Variants in TTC27 observed in about 807,000 individuals in gnomAD.
The protein encoded by TTC27 is tetratricopeptide repeat domain 27.
A neutral mutation model predicts 115.9 loss-of-function variants in TTC27; 79 were observed. The observed-to-expected ratio is 0.68, with a 90% confidence interval of 0.57 to 0.82. TTC27 has a LOEUF of 0.82. Ranked by LOEUF, TTC27 falls within the 40% of genes least tolerant of loss-of-function variation. The pLI is 0.00. For synonymous variants in TTC27, 401 were observed against 356.0 expected (o/e 1.13, Z -1.42); for missense variants, 1,054 against 993.1 (o/e 1.06, Z -0.82).
intron 10 of TTC27, among the ~76,000 whole-genome samples, chr2:32,715,216 T>G (rs757678822): frequency 1.3e-5 from 2 of 152,218 alleles, no homozygotes; most frequent in Non-Finnish European, 2.9e-5. Flanking sequence ...GTTTTACATT[T>G]AAGTCTTTAA....
intron 16 of TTC27, among the ~76,000 whole-genome samples, chr2:32,797,745 A>G (rs948526191): frequency 6.6e-6 from 1 of 152,250 alleles, no homozygotes; most frequent in Non-Finnish European, 1.5e-5. Context: ...GGCAATAAAA[A>G]GAAAAAACAG....
intron 19 of TTC27, among the ~76,000 whole-genome samples, chr2:32,820,519 T>A (rs1305073734): frequency 1.3e-5 from 2 of 152,248 alleles, no homozygotes; most frequent in East Asian, 3.8e-4. Flanking sequence ...TTGAATTATG[T>A]CTGTTCATTC....
chr2:32,806,107 A>C (rs1225908155), intron 16 of TTC27, among the ~76,000 whole-genome samples: 5 of 152,168 alleles, frequency 3.3e-5, no homozygotes, highest in Non-Finnish European at 5.9e-5. Context: ...CTTAAACTTC[A>C]ATTTTCTACT....
chr2:32,800,821 C>T (rs546365398), intron 16 of TTC27, among the ~76,000 whole-genome samples: 1 of 152,190 alleles, frequency 6.6e-6, no homozygotes, highest in African/African-American at 2.4e-5. Context: ...TTAAATGTAG[C>T]TCCTCTCATC....
chr2:32,643,773 G>T (rs775740318), intron 4 of TTC27, among the ~76,000 whole-genome samples: 1 of 151,966 alleles, frequency 6.6e-6, no homozygotes, highest in Admixed American at 6.6e-5. Flanking sequence ...AGTGGCTCTC[G>T]CCTGTAATAC....
At chr2:32,630,756 C>G (rs1298327000) in intron 2 of TTC27, 56 bp downstream of exon 2, 1 of 1,501,102 alleles carries the variant, frequency 6.7e-7, no homozygotes, top group Non-Finnish European at 9.0e-7. Flanking sequence ...TTTAATAGCA[C>G]CTTGACAGGG....
chr2:32,699,375 CCCTA>C (rs1333046812), intron 9 of TTC27, among the ~76,000 whole-genome samples: 1 of 152,166 alleles, frequency 6.6e-6, no homozygotes, highest in East Asian at 1.9e-4. Context: ...AGCAGTAACC[CCCTA>C]CTGGGGGGCG....
intron 10 of TTC27, among the ~76,000 whole-genome samples, chr2:32,719,364 A>G (rs1667850222): frequency 6.6e-6 from 1 of 152,228 alleles, no homozygotes; most frequent in Non-Finnish European, 1.5e-5. Flanking sequence ...GCAGGGTCAG[A>G]AAGAGATGCA....
chr2:32,678,368 A>T (rs1436396249), intron 8 of TTC27, among the ~76,000 whole-genome samples: 1 of 151,850 alleles, frequency 6.6e-6, no homozygotes, highest in East Asian at 1.9e-4. Flanking sequence ...ATCTTTGACA[A>T]ACTCTACATT....
rs142621550 is a variant in TTC27, at chr2:32,794,970, G to A, written c.1998+7821G>A. 1.6e-4 allele frequency among the ~76,000 whole-genome samples: 24 copies of A among 152,154 alleles called. No homozygotes were observed. In the East Asian group the frequency reaches 4.4e-3, roughly 28 times the overall value. The stretch of plus-strand genomic sequence containing the variant: ...AAAAATCTCCCAACAAAGAAAAGCC[G>A]TGGACCTGATGGATTCACTGGTAAA... On this transcript the variant is annotated intron_variant, in intron 16 of 19. Transcript: ENST00000317907.
chr2:32,779,173 A>G (rs1423048319), intron 14 of TTC27, among the ~76,000 whole-genome samples: 1 of 152,162 alleles, frequency 6.6e-6, no homozygotes, highest in African/African-American at 2.4e-5. Flanking sequence ...CAGTGAGCAG[A>G]GATTGCGCCA....
chr2:32,640,725 G>A (rs1298586916), intron 4 of TTC27, among the ~76,000 whole-genome samples: 1 of 152,166 alleles, frequency 6.6e-6, no homozygotes, highest in Non-Finnish European at 1.5e-5. Context: ...GCTCACGTCT[G>A]TAATCCCAGC....
intron 16 of TTC27, among the ~76,000 whole-genome samples, chr2:32,796,145 G>T (rs967347839): frequency 2.6e-5 from 4 of 152,070 alleles, no homozygotes; most frequent in African/African-American, 9.7e-5. Flanking sequence ...AAAATCAGCT[G>T]CATTTCTGTA....
intron 1 of TTC27, among the ~76,000 whole-genome samples, chr2:32,629,016 T>G: frequency 6.6e-6 from 1 of 152,034 alleles, no homozygotes; most frequent in Admixed American, 6.6e-5. Flanking sequence ...TGCCTCAGCC[T>G]CCCAAAGTGC....
chr2:32,764,109 CACAT>C (rs79357249), intron 13 of TTC27, among the ~76,000 whole-genome samples: 23,651 of 152,102 alleles, frequency 0.16, 2,242 homozygotes, highest in South Asian at 0.34. Context: ...CCACTTAACA[CACAT>C]ACAGTTTTCC....
intron 7 of TTC27, among the ~76,000 whole-genome samples, chr2:32,671,165 A>G (rs1666002548): frequency 6.6e-6 from 1 of 151,900 alleles, no homozygotes; most frequent in South Asian, 2.1e-4. Flanking sequence ...CTGCCTTTCC[A>G]TCTCAGGGTT....
In TTC27 at chr2:32,733,838, A is replaced by G; in HGVS notation, c.1244A>G (p.Asp415Gly). ...RAMRQTQALA[D>G]QFEDKTTSVL... ...TATATGTCCTTTAAGGCTCTTGCAG[A>G]CCAATTTGAAGATAAAACTACATCT... is the stretch of plus-strand genomic sequence containing the variant. Residue 415 changes from aspartate (D) to glycine (G), a missense_variant, in exon 11 of 20, where the codon GAC becomes GGC. Transcript: ENST00000317907. 6.2e-7 allele frequency: 1 copy of G among 1,610,256 alleles called. No homozygotes were observed. The highest frequency in any genetic ancestry group is 8.5e-7 in the Non-Finnish European group (1 of 1,178,150).
At chr2:32,809,451 T>G (rs1165531062) in intron 16 of TTC27, among the ~76,000 whole-genome samples, 1 of 152,216 alleles carries the variant, frequency 6.6e-6, no homozygotes, top group Non-Finnish European at 1.5e-5. Flanking sequence ...AAGTGTGCCC[T>G]GCAGACCGTC....
At chr2:32,794,271 A>G (rs964410948) in intron 16 of TTC27, among the ~76,000 whole-genome samples, 2 of 152,214 alleles carry the variant, frequency 1.3e-5, no homozygotes, top group African/African-American at 4.8e-5. Context: ...CTACCCCAGG[A>G]TGAAATTACA....
Sources: gnomAD v4.1 joint callset for allele counts (sites outside exome capture counted in the v4.1 genomes callset) on GRCh38, gnomAD v4.1.1 for gene constraint, MANE v1.5 for transcripts, NCBI Gene and HGNC (gene_info 2026-07-23, HGNC 2026-07-21) for gene names.